The following A2ML1 variants were observed in gnomAD, a reference collection of about 807,000 sequenced individuals.
A2ML1 encodes alpha-2-macroglobulin like 1, also known as alpha-2-macroglobulin-like protein 1.
In A2ML1, 161 loss-of-function variants were observed where a neutral mutation model predicts 181.9. That is an observed-to-expected ratio of 0.89 (90% CI 0.78 to 1.01). A2ML1 has a LOEUF of 1.01. Among genes scored for constraint, A2ML1 ranks in the 50% least tolerant of loss-of-function variants. The pLI is 0.00. For missense variants in A2ML1, 1,670 were observed against 1,768.1 expected, an observed-to-expected ratio of 0.94 and a Z score of 1.00; for synonymous variants, 663 against 666.8, an observed-to-expected ratio of 0.99 and a Z score of 0.09.
chr12:8,847,416 A>G, intron 14 of A2ML1, 133 bp from the exon 15 acceptor site: 2 of 1,132,348 alleles, frequency 1.8e-6, no homozygotes, highest in Non-Finnish European at 2.5e-6. Context: ...CTTTACAAAG[A>G]AAGATAAGTA....
chr12:8,854,678 A>C, intron 21 of A2ML1, 102 bp from the exon 22 acceptor site: 1 of 1,258,154 alleles, frequency 7.9e-7, no homozygotes, highest in Non-Finnish European at 1.1e-6. Flanking sequence ...TTCTGAGGGA[A>C]GCCCTGGGGG....
At chr12:8,826,074 T>C (rs1942919781) in intron 3 of A2ML1, among the ~76,000 whole-genome samples, 1 of 152,198 alleles carries the variant, frequency 6.6e-6, no homozygotes, top group Non-Finnish European at 1.5e-5. Flanking sequence ...TTATTTTAGG[T>C]CTTTTATGGT....
At chr12:8,842,356 C>T (rs1340391718) in intron 11 of A2ML1, among the ~76,000 whole-genome samples, 2 of 151,674 alleles carry the variant, frequency 1.3e-5, no homozygotes, top group Admixed American at 6.6e-5. Context: ...GTAGCTGGGA[C>T]TACAGGCGCC....
rs367617839 is a variant in A2ML1 at position 8,851,958 on chromosome 12, G to A, written c.2409G>A (p.Gly803=). ...DLTLPYSVVR[G]ESFRLTATIF... is the part of the protein sequence containing the mutation. ...CTCTCCCTTACTCAGTAGTCCGTGG[G>A]GAATCCTTTCGTCTTACTGCCACCA... The change falls in exon 19 of 36, where the codon GGG becomes GGA. Residue 803 remains glycine (G), a synonymous_variant. Transcript: ENST00000299698. The A allele has an allele frequency of 7.4e-6, 12 of 1,614,018 alleles. No individual in the cohort carries two copies. Among genetic ancestry groups the A allele is most frequent in the Admixed American group, 1.7e-5 (1 of 59,988 alleles).
At chr12:8,863,741 T>C in intron 28 of A2ML1, 53 bp from the exon 29 acceptor site, 1 of 1,569,532 alleles carries the variant, frequency 6.4e-7, no homozygotes, top group Non-Finnish European at 8.8e-7. Context: ...AAAGTGAATG[T>C]GGGAAAGCCA....
chr12:8,842,441 G>C (rs537844721), intron 11 of A2ML1, among the ~76,000 whole-genome samples: 105 of 152,054 alleles, frequency 6.9e-4, no homozygotes, highest in Admixed American at 1.9e-3. Context: ...GGATGGTCTC[G>C]ATCTCCTGAC....
At chr12:8,873,152 G>T (rs1182556037) in intron 33 of A2ML1, among the ~76,000 whole-genome samples, 2 of 152,012 alleles carry the variant, frequency 1.3e-5, no homozygotes, top group Admixed American at 6.6e-5. Flanking sequence ...GAGGTCCCTC[G>T]ACCACACTTT....
chr12:8,883,900 C>T (rs1281287720), intron 7 of A2ML1, among the ~76,000 whole-genome samples: 4 of 152,152 alleles, frequency 2.6e-5, no homozygotes, highest in Admixed American at 6.5e-5. Flanking sequence ...ATTCTCCCGC[C>T]TCAGCCTCCC....
In A2ML1 at chr12:8,835,601, T is replaced by C; in HGVS notation, c.578T>C (p.Leu193Pro). ...TTCCAACTGGCACCAGAGGCAATGC[T>C]GGGCACCTACACTGTGGCAGTGGCT... ...LSFQLAPEAM[L>P]GTYTVAVAEG... is the part of the protein sequence containing the mutation. Residue 193 changes from leucine to proline, a missense_variant, in exon 6 of 36, where the codon CTG (leucine) becomes CCG (proline). Coordinates refer to ENST00000299698, the MANE Select transcript of A2ML1 (RefSeq NM_144670.6). The C allele has an allele frequency of 6.2e-7, 1 of 1,614,204 alleles. No homozygotes were observed. The highest frequency in any genetic ancestry group is 8.5e-7 in the Non-Finnish European group (1 of 1,180,034).
intron 20 of A2ML1, among the ~76,000 whole-genome samples, chr12:8,853,017 C>G (rs1943944361): frequency 1.3e-5 from 2 of 151,920 alleles, no homozygotes; most frequent in South Asian, 4.2e-4. Context: ...TTTAGAGAGA[C>G]AAGATCTTAC....
chr12:8,852,335 G>T lies in A2ML1; in HGVS notation c.2589G>T (p.Leu863Phe), dbSNP rs2136882086. 6.2e-7 allele frequency: 1 copy of T among 1,613,986 alleles called. No homozygotes were observed. Among genetic ancestry groups the T allele is most frequent in the South Asian group, 1.1e-5 (1 of 91,056 alleles). The part of the protein sequence containing the change: ...THHWNITAVK[L>F]GHINFTISTK... The stretch of plus-strand genomic sequence containing the variant: ...ACTGGAACATCACAGCTGTCAAATT[G>T]GGTAAGAGAGGGAAGTGGTAGACGG... The change falls in exon 20 of 36, where the codon TTG becomes TTT. Residue 863 changes from leucine (L) to phenylalanine (F), a missense_variant and splice_region_variant. Coordinates refer to ENST00000299698, the MANE Select transcript of A2ML1 (RefSeq NM_144670.6). This position sits in a 1 kb window ranked among gnomAD's most constrained non-coding sequence, Gnocchi z 4.2.
At chr12:8,828,465 A>G (rs1263666741) in intron 3 of A2ML1, among the ~76,000 whole-genome samples, 1 of 152,062 alleles carries the variant, frequency 6.6e-6, no homozygotes, top group Non-Finnish European at 1.5e-5. Context: ...CTTGTGGTGA[A>G]TGGTGCCTGG....
At chr12:8,886,026 A>T (rs1944919176) in intron 7 of A2ML1, among the ~76,000 whole-genome samples, 1 of 151,640 alleles carries the variant, frequency 6.6e-6, no homozygotes, top group African/African-American at 2.4e-5. Flanking sequence ...ACACACACAC[A>T]CACACACACA....
chr12:8,866,121 C>T (rs180843086), intron 29 of A2ML1, among the ~76,000 whole-genome samples: 358 of 151,706 alleles, frequency 2.4e-3, no homozygotes, highest in African/African-American at 8.5e-3. Context: ...ATCGAGACCA[C>T]GGTGAAACCC....
At chr12:8,849,956 A>T (rs1424311576) in intron 17 of A2ML1, among the ~76,000 whole-genome samples, 197 bp downstream of exon 17, 1 of 152,106 alleles carries the variant, frequency 6.6e-6, no homozygotes, top group Non-Finnish European at 1.5e-5. Context: ...TTATGTATCC[A>T]TTCCCCGGCC....
Position 8,855,489 on chromosome 12 carries a change from T to G in A2ML1, c.2765-20T>G, listed in dbSNP as rs759135527. 1 of 1,608,100 alleles carries G rather than the reference T, an allele frequency of 6.2e-7. No individual in the cohort carries two copies. The highest frequency in any genetic ancestry group is 8.5e-7 in the Non-Finnish European group (1 of 1,175,610). On this transcript the variant is annotated intron_variant, in intron 22 of 35. Transcript: ENST00000299698. ...ATTCCCCATCTTCTATTGTGTCACC[T>G]TTTTTTCTGCATCTCACAGGAAAGG...
chr12:8,881,940 G>C (rs1592169692), intron 7 of A2ML1, among the ~76,000 whole-genome samples: 1 of 152,158 alleles, frequency 6.6e-6, no homozygotes, highest in East Asian at 1.9e-4. Flanking sequence ...GAACCTGGGA[G>C]GTGGAGCTTG....
At position 8,852,163 on chromosome 12, in the gene A2ML1, A is replaced by G. The variant is rs2136880885; in HGVS notation, c.2464-47A>G. 6.2e-7 allele frequency: 1 copy of G among 1,612,088 alleles called. No individual in the cohort carries two copies. Among genetic ancestry groups the G allele is most frequent in the Non-Finnish European group, 8.5e-7 (1 of 1,179,186 alleles). On this transcript the variant is annotated intron_variant, in intron 19 of 35. Transcript: ENST00000299698. This position sits in a 1 kb window ranked among gnomAD's most constrained non-coding sequence, Gnocchi z 4.2. The stretch of plus-strand genomic sequence containing the variant: ...CCCAGGTTTCCCCAGGCCTCTATGC[A>G]CTACCTCCTTTGTTTGTACCCTTTG...
At position 8,850,257 on chromosome 12, in the gene A2ML1, G is replaced by C. The variant is rs765323007; in HGVS notation, c.2217G>C (p.Trp739Cys). ...VRQYFPETWL[W>C]DLFPIGNSGK... ...AGTACTTCCCAGAGACCTGGCTCTGGGATCTGTTTCCTATTGGGTAAGTGA... is the reference window on the plus strand; with the variant it reads ...AGTACTTCCCAGAGACCTGGCTCTGCGATCTGTTTCCTATTGGGTAAGTGA... Residue 739 changes from tryptophan (W) to cysteine (C), a missense_variant, in exon 18 of 36, where the codon TGG becomes TGC. Coordinates refer to ENST00000299698, the MANE Select transcript of A2ML1 (RefSeq NM_144670.6). 11 of 1,612,342 alleles carry C rather than the reference G, an allele frequency of 6.8e-6. No individual in the cohort carries two copies. In the Admixed American group the frequency reaches 1.7e-4, roughly 25 times the overall value.
Sources: allele counts gnomAD v4.1 joint callset (sites outside exome capture counted in the v4.1 genomes callset), GRCh38; gene constraint gnomAD v4.1.1; non-coding constraint Gnocchi (gnomAD v3.1); transcripts MANE v1.5; gene names NCBI Gene and HGNC (gene_info 2026-07-23, HGNC 2026-07-21).